PPM1F: variants seen among roughly 807,000 people sequenced by gnomAD.
The protein encoded by PPM1F is protein phosphatase 1F.
PPM1F carries 17 observed loss-of-function variants against 35.5 expected under a neutral mutation model. The observed-to-expected ratio is 0.48, with a 90% CI of 0.33 to 0.72. The LOEUF (loss-of-function observed/expected upper bound fraction) is 0.72, where lower values mean the gene tolerates loss of function less well. Among genes scored for constraint, PPM1F ranks in the 30% least tolerant of loss-of-function variants. The pLI is 0.02. For synonymous variants in PPM1F, 241 were observed against 255.5 expected, an observed-to-expected ratio of 0.94 and a Z score of 0.54; for missense variants, 521 against 613.0, an observed-to-expected ratio of 0.85 and a Z score of 1.59.
At chr22:21,946,191 A>T in intron 1 of PPM1F, 83 bp from the exon 2 acceptor site, 1 of 634,780 alleles carries the variant, frequency 1.6e-6, no homozygotes, top group Non-Finnish European at 2.6e-6. Context: ...ACCATGTGGC[A>T]GGTGCATGGC....
chr22:21,945,719 T>C (rs529211628), intron 2 of PPM1F, 124 bp downstream of exon 2: 12 of 981,072 alleles, frequency 1.2e-5, no homozygotes, highest in African/African-American at 4.9e-5. Context: ...TGGTGCTGCA[T>C]AGGGATCCGG....
intron 1 of PPM1F, chr22:21,949,461 G>GT (rs1316542983): frequency 6.6e-6 from 1 of 152,382 alleles, no homozygotes; most frequent in African/African-American, 2.4e-5. Flanking sequence ...CTCACCAAGG[G>GT]AAACCAGAGG....
intron 6 of PPM1F, among the ~76,000 whole-genome samples, chr22:21,927,440 T>C (rs1302333715): frequency 6.6e-6 from 1 of 152,170 alleles, no homozygotes; most frequent in African/African-American, 2.4e-5. Flanking sequence ...GAGGAGCCTT[T>C]CTCTGCTTCT....
chr22:21,946,986 T>C (rs941626994), intron 1 of PPM1F: 13 of 152,108 alleles, frequency 8.5e-5, no homozygotes, highest in African/African-American at 3.1e-4. Context: ...CAGATGAGAA[T>C]CCCAAGGTTT....
rs1460398194 is a variant in PPM1F at position 21,922,965 on chromosome 22, G to A, written c.*127C>T. Reference sequence around the variant, plus strand: ...GCGGGGGGTGTCCCGACTGGCTCTGGGGTGCTGGGGAAAGCACTGTGGGGC... The same window carrying A: ...GCGGGGGGTGTCCCGACTGGCTCTGAGGTGCTGGGGAAAGCACTGTGGGGC... On this transcript the variant is annotated 3_prime_UTR_variant, in exon 8 of 8. Coordinates refer to ENST00000263212, the MANE Select transcript of PPM1F (RefSeq NM_014634.4). 1 of 1,276,324 alleles carries A rather than the reference G, an allele frequency of 7.8e-7. No individual in the cohort carries two copies. The highest frequency in any genetic ancestry group is 2.3e-5 in the East Asian group (1 of 42,602). The allele number at this position is 1,276,324 out of a possible 1,614,324, so 79.1% of individuals were successfully genotyped here. A position where few individuals can be genotyped will look rare whatever the true frequency, so the allele number is the denominator to read the frequency against.
rs546202006 is a variant in PPM1F at position 21,924,517 on chromosome 22, C to T, written c.986-1046G>A. 2.8e-4 allele frequency among the ~76,000 whole-genome samples: 43 copies of T among 151,566 alleles called. 1 individual carries two copies. The highest frequency in any genetic ancestry group is 8.0e-4 in the African/African-American group (33 of 41,282). ...AACTCCTGACCTCAGGTGATCCACC[C>T]GCCTTGGCCTCCCAAAGTGCTGGGA... On this transcript the variant is annotated intron_variant, in intron 7 of 7. Transcript: ENST00000263212.
Position 21,934,161 on chromosome 22 carries a change from G to T in PPM1F, c.421C>A (p.Gln141Lys). 6.3e-7 allele frequency: 1 copy of T among 1,577,940 alleles called. No homozygotes were observed. The highest frequency in any genetic ancestry group is 8.6e-7 in the Non-Finnish European group (1 of 1,161,736). Reference sequence around the variant, plus strand: ...CGGGCAGCCAATGGCACCTGCTTCTGCCACTGGCCGGCGACTTCCCAAAGG... The same window carrying T: ...CGGGCAGCCAATGGCACCTGCTTCTTCCACTGGCCGGCGACTTCCCAAAGG... ...NRLWEVAGQWQKQVPLAARAS... is the reference protein window; with the variant it reads ...NRLWEVAGQWKKQVPLAARAS... The change falls in exon 4 of 8, where the codon CAG becomes AAG. Residue 141 changes from glutamine to lysine, a missense_variant. Physicochemically the swap from Gln to Lys is moderately conservative, Grantham distance 53. Transcript: ENST00000263212.
Position 21,934,049 on chromosome 22 carries a change from G to A in PPM1F, c.533C>T (p.Ser178Phe). The change falls in exon 4 of 8, where the codon TCC (serine) becomes TTC (phenylalanine). Residue 178 changes from serine to phenylalanine, a missense_variant. Ser to Phe is a radical substitution (Grantham distance 155, BLOSUM62 -2). Around this residue, in one of 3 missense-constraint regions of PPM1F, gnomAD observed 311 missense variants for 351.5 expected, o/e 0.88. Transcript: ENST00000263212. Reference protein sequence around the residue: ...KMEDRHVSLPSFNQLFGLSDP... With the variant: ...KMEDRHVSLPFFNQLFGLSDP... ...AGACAAGCCGAAGAGCTGGTTGAAG[G>A]AAGGGAGGGACACGTGCCGGTCCTC... 6.4e-7 allele frequency: 1 copy of A among 1,564,296 alleles called. No homozygotes were observed. The highest frequency in any genetic ancestry group is 2.4e-5 in the East Asian group (1 of 42,236).
At chr22:21,933,714 G>A (rs2070623079) in intron 4 of PPM1F, 135 bp from the exon 5 acceptor site, 2 of 819,536 alleles carry the variant, frequency 2.4e-6, no homozygotes, top group South Asian at 1.8e-5. Context: ...CGTATGAGGG[G>A]GTAGGTTTGG....
intron 6 of PPM1F, among the ~76,000 whole-genome samples, chr22:21,928,088 C>T (rs2070542368): frequency 6.6e-6 from 1 of 151,394 alleles, no homozygotes; most frequent in South Asian, 2.1e-4. Flanking sequence ...GACTGCCCAG[C>T]GCCCACCCCC....
intron 6 of PPM1F, chr22:21,926,084 C>CA (rs1250880273): frequency 1.2e-5 from 2 of 172,160 alleles, no homozygotes; most frequent in African/African-American, 4.8e-5. Flanking sequence ...GGTCACACAG[C>CA]AGGGAAGCCT....
intron 7 of PPM1F, among the ~76,000 whole-genome samples, chr22:21,924,329 G>A (rs1569125295): frequency 1.3e-5 from 2 of 150,422 alleles, no homozygotes; most frequent in African/African-American, 4.9e-5. Context: ...GTGCAATGGT[G>A]CAATCTTGGC....
intron 3 of PPM1F, chr22:21,934,491 A>G: frequency 2.1e-6 from 1 of 467,506 alleles, no homozygotes; most frequent in South Asian, 3.2e-5. Context: ...ATCATCAGAA[A>G]CACAAAAATA....
rs1346515000 is a variant in PPM1F at position 21,923,018 on chromosome 22, G to A, written c.*74C>T. On this transcript the variant is annotated 3_prime_UTR_variant, in exon 8 of 8. Coordinates refer to ENST00000263212, the MANE Select transcript of PPM1F (RefSeq NM_014634.4). ...GCACCCTGTCCACTGCCTGCCACCT[G>A]TTGGGTCCTGAGGCTTCTGAGGGAG... The A allele has an allele frequency of 1.3e-6, 2 of 1,518,778 alleles. No homozygotes were observed. The highest frequency in any genetic ancestry group is 1.3e-5 in the South Asian group (1 of 75,886). The allele number at this position is 1,518,778 out of a possible 1,614,324, so 94.1% of individuals were successfully genotyped here.
chr22:21,944,679 C>G (rs999261187), intron 2 of PPM1F: 5 of 152,238 alleles, frequency 3.3e-5, no homozygotes, highest in African/African-American at 1.2e-4. Flanking sequence ...GACAGCCTAA[C>G]TCCAAGACCC....
chr22:21,939,742 T>C lies in PPM1F; in HGVS notation c.207-62A>G. 1 of 1,536,130 alleles carries C rather than the reference T, an allele frequency of 6.5e-7. No individual in the cohort carries two copies. On this transcript the variant is annotated intron_variant, in intron 2 of 7. Coordinates refer to ENST00000263212, the MANE Select transcript of PPM1F (RefSeq NM_014634.4). This position sits in a 1 kb window ranked among gnomAD's most constrained non-coding sequence, Gnocchi z 5.1. ...AGCAGGAGACCACACCTAGCCCCCC[T>C]TCCCCAACTGTCAGCCCACATGCTG...
At chr22:21,924,177 A>G (rs531685564) in intron 7 of PPM1F, among the ~76,000 whole-genome samples, 4 of 152,152 alleles carry the variant, frequency 2.6e-5, no homozygotes, top group Admixed American at 2.6e-4. Context: ...GAGATTTTCT[A>G]AGTACCAGGA....
chr22:21,924,341 CACCGCA>C (rs1264249476), intron 7 of PPM1F, among the ~76,000 whole-genome samples: 1 of 150,664 alleles, frequency 6.6e-6, no homozygotes, highest in African/African-American at 2.4e-5. Context: ...AATCTTGGCT[CACCGCA>C]ACCTCCACCT....
chr22:21,931,811 C>T (rs986255041), intron 5 of PPM1F, among the ~76,000 whole-genome samples: 1 of 150,652 alleles, frequency 6.6e-6, no homozygotes, highest in Non-Finnish European at 1.5e-5. Flanking sequence ...AGTCACTGCG[C>T]CTGGCTATTT....
Sources: gnomAD v4.1 joint callset for allele counts (sites outside exome capture counted in the v4.1 genomes callset) on GRCh38, gnomAD v4.1.1 for gene constraint, gnomAD v4.1.1 regional missense constraint, Gnocchi (gnomAD v3.1) non-coding constraint, MANE v1.5 for transcripts, NCBI Gene and HGNC (gene_info 2026-07-23, HGNC 2026-07-21) for gene names.